SYTL2: variants seen among roughly 807,000 people sequenced by gnomAD.
SYTL2 encodes synaptotagmin-like protein 2.
A neutral mutation model predicts 198.7 loss-of-function variants in SYTL2; 165 were observed. The observed-to-expected ratio is 0.83, with a 90% CI of 0.73 to 0.94. The LOEUF (loss-of-function observed/expected upper bound fraction) is 0.94. SYTL2 is among the 40% of genes least tolerant of loss of function. The probability of loss-of-function intolerance (pLI) is 0.00; values close to 1 mark genes in which losing one functional copy is unlikely to be tolerated. For synonymous variants in SYTL2, 966 were observed against 917.7 expected, an observed-to-expected ratio of 1.05 and a Z score of -0.95; for missense variants, 2,835 against 2,582.8, an observed-to-expected ratio of 1.10 and a Z score of -2.12.
chr11:85,848,636 A>G, the SYTL2 span, among the ~76,000 whole-genome samples: 1 of 152,086 alleles, frequency 6.6e-6, no homozygotes, highest in Non-Finnish European at 1.5e-5. Context: ...ATTTTTTGTT[A>G]TATTCTATTG....
intron 1 of SYTL2, among the ~76,000 whole-genome samples, chr11:85,787,701 C>CTTTTT (rs56177666): frequency 1.1e-5 from 1 of 90,398 alleles, no homozygotes; most frequent in African/African-American, 3.5e-5. Context: ...TTTTCTTTTC[C>CTTTTT]TTTTTTTTTT....
chr11:85,824,222 A>T, the SYTL2 span, among the ~76,000 whole-genome samples: 1 of 152,090 alleles, frequency 6.6e-6, no homozygotes, highest in Non-Finnish European at 1.5e-5. Flanking sequence ...GGGGAAGAAG[A>T]TTGGAGAGGT....
intron 1 of SYTL2, among the ~76,000 whole-genome samples, chr11:85,794,773 T>C (rs1292295384): frequency 6.6e-6 from 1 of 152,222 alleles, no homozygotes; most frequent in African/African-American, 2.4e-5. Context: ...TGTATTTCTT[T>C]CTGAAAAGAA....
At chr11:85,790,112 T>G (rs938588725) in intron 1 of SYTL2, among the ~76,000 whole-genome samples, 16 of 152,168 alleles carry the variant, frequency 1.1e-4, no homozygotes, top group Admixed American at 4.6e-4. Flanking sequence ...TAATTTTTTA[T>G]AATATTTTTA....
rs58890988 is a variant in SYTL2 at position 85,762,872 on chromosome 11, C to G, written c.-389-4758G>C. On this transcript the variant is annotated intron_variant, in intron 1 of 19. Transcript: ENST00000359152. ...TGTTTGTCTCTTGCCAGTTTATGAA[C>G]AAGGCTTGTGTCTCCCAGTGATTTG... Among the ~76,000 whole-genome samples the G allele has an allele frequency of 1.8e-4, 28 of 152,122 alleles. 1 individual carries two copies. Among genetic ancestry groups the G allele is most frequent in the African/African-American group, 6.7e-4 (28 of 41,498 alleles).
intron 1 of SYTL2, among the ~76,000 whole-genome samples, chr11:85,793,472 T>A (rs907984450): frequency 6.6e-6 from 1 of 152,232 alleles, no homozygotes; most frequent in African/African-American, 2.4e-5. Flanking sequence ...AGAACTCTTA[T>A]CATAATATTT....
rs567297581 is a variant in SYTL2, at chr11:85,721,488, G to A, written c.5327-529C>T. On this transcript the variant is annotated intron_variant, in intron 8 of 19. Coordinates refer to ENST00000359152, the MANE Select transcript of SYTL2 (RefSeq NM_206927.4). ...CCAATGAAATGTTGGGAAATAACATGGGATAGTCAAATTTTTATTTTAGTA... is the reference window on the plus strand; with the variant it reads ...CCAATGAAATGTTGGGAAATAACATAGGATAGTCAAATTTTTATTTTAGTA... 1.6e-4 allele frequency among the ~76,000 whole-genome samples: 25 copies of A among 152,172 alleles called. No individual in the cohort carries two copies. In the South Asian group the frequency reaches 5.0e-3, roughly 30 times the overall value.
At chr11:85,710,874 G>A (rs1157616966) in intron 13 of SYTL2, among the ~76,000 whole-genome samples, 1 of 151,914 alleles carries the variant, frequency 6.6e-6, no homozygotes, top group Non-Finnish European at 1.5e-5. Context: ...GTTTATTTGT[G>A]AAGTACTTAC....
At chr11:85,845,566 G>A in the SYTL2 span, among the ~76,000 whole-genome samples, 1 of 151,958 alleles carries the variant, frequency 6.6e-6, no homozygotes, top group Non-Finnish European at 1.5e-5. Context: ...AGTTCAAGGT[G>A]AGCCTGGGCA....
rs916482964 is a variant in SYTL2, at chr11:85,811,048, G to C, written c.-484C>G. ...CTGGCGGTGCAAACCGCGCAGCCCC[G>C]GGCGCGGCGCGTTACCTTCCCCCGG... On this transcript the variant is annotated 5_prime_UTR_variant, in exon 1 of 20. Coordinates refer to ENST00000359152, the MANE Select transcript of SYTL2 (RefSeq NM_206927.4). 1.3e-5 allele frequency: 2 copies of C among 152,182 alleles called. No individual in the cohort carries two copies. 9.4% of individuals were successfully genotyped at this position (152,182 alleles called of 1,614,324 possible).
rs571545488 is a variant in SYTL2, at chr11:85,724,552, G to T, written c.4806C>A (p.Thr1602=). The change falls in exon 8 of 20, where the codon ACC becomes ACA. Residue 1602 remains threonine, a synonymous_variant. Coordinates refer to ENST00000359152, the MANE Select transcript of SYTL2 (RefSeq NM_206927.4). ...HEKESSQSEQ[T]RFLGTVPHFY... ...AATGGGGCACTGTCCCCAAGAACCT[G>T]GTCTGCTCTGACTGTGAGGACTCCT... 3 of 1,613,808 alleles carry T rather than the reference G, an allele frequency of 1.9e-6. No homozygotes were observed. Among genetic ancestry groups the T allele is most frequent in the African/African-American group, 1.3e-5 (1 of 74,898 alleles).
chr11:85,711,194 A>T lies in SYTL2; in HGVS notation c.5664T>A (p.Ser1888Arg). Reference protein sequence around the residue: ...DRETDTASESSYQLSRHKKSP... With the variant: ...DRETDTASESRYQLSRHKKSP... ...TCTTCTTGTGTCTGCTGAGCTGGTAACTGCTTTCTGATGCTGTATCTGTTT... is the reference window on the plus strand; with the variant it reads ...TCTTCTTGTGTCTGCTGAGCTGGTATCTGCTTTCTGATGCTGTATCTGTTT... Residue 1888 changes from serine to arginine, a missense_variant, in exon 13 of 20, where the codon AGT (serine) becomes AGA (arginine). Ser to Arg is a moderately radical substitution (Grantham distance 110). Around this residue, in one of 3 missense-constraint regions of SYTL2, gnomAD observed 2,645 missense variants for 2,381.7 expected, o/e 1.11. Coordinates refer to ENST00000359152, the MANE Select transcript of SYTL2 (RefSeq NM_206927.4). The T allele has an allele frequency of 6.2e-7, 1 of 1,614,082 alleles. No individual in the cohort carries two copies. The highest frequency in any genetic ancestry group is 8.5e-7 in the Non-Finnish European group (1 of 1,179,942).
At chr11:85,766,698 G>A (rs578015743) in intron 1 of SYTL2, among the ~76,000 whole-genome samples, 58 of 152,228 alleles carry the variant, frequency 3.8e-4, no homozygotes, top group Middle Eastern at 3.4e-3. Context: ...AATGTATGCC[G>A]TCCCCTGCCT....
intron 7 of SYTL2, among the ~76,000 whole-genome samples, chr11:85,731,928 G>A (rs2089870940): frequency 6.6e-6 from 1 of 152,082 alleles, no homozygotes; most frequent in South Asian, 2.1e-4. Flanking sequence ...TTAAAAAGTG[G>A]GTGAAGGATA....
chr11:85,737,243 T>C (rs1034365802), intron 5 of SYTL2, among the ~76,000 whole-genome samples: 1 of 152,202 alleles, frequency 6.6e-6, no homozygotes, highest in Non-Finnish European at 1.5e-5. Flanking sequence ...TAGGAAGCTA[T>C]GCATAGGAAT....
At chr11:85,745,514 G>T in intron 4 of SYTL2, 123 bp downstream of exon 4, 2 of 1,064,924 alleles carry the variant, frequency 1.9e-6, no homozygotes, top group African/African-American at 1.6e-5. Context: ...CTCATACACT[G>T]CCCCTTCCCC....
intron 6 of SYTL2, among the ~76,000 whole-genome samples, chr11:85,735,527 T>G (rs1180829847): frequency 6.6e-6 from 1 of 152,036 alleles, no homozygotes; most frequent in Non-Finnish European, 1.5e-5. Context: ...GAAGCCGAGG[T>G]GGGTGGATCA....
the SYTL2 span, among the ~76,000 whole-genome samples, chr11:85,838,021 C>A: frequency 2.6e-5 from 4 of 152,024 alleles, no homozygotes; most frequent in African/African-American, 9.7e-5. Flanking sequence ...TTATTTATGC[C>A]GGTAGCACCC....
In SYTL2 at chr11:85,700,507, T is replaced by A; in HGVS notation, c.6268+8A>T. 2 of 1,607,590 alleles carry A rather than the reference T, an allele frequency of 1.2e-6. No homozygotes were observed. The highest frequency in any genetic ancestry group is 2.2e-5 in the South Asian group (2 of 90,928). On this transcript the variant is annotated splice_region_variant and intron_variant, in intron 17 of 19. Coordinates refer to ENST00000359152, the MANE Select transcript of SYTL2 (RefSeq NM_206927.4). ...GGACATAAATCTGAATAGAAAGTCA[T>A]TACATACCAGGGACTGGCTCTGGGA...
Sources: gnomAD v4.1 joint callset for allele counts (sites outside exome capture counted in the v4.1 genomes callset) on GRCh38, gnomAD v4.1.1 for gene constraint, gnomAD v4.1.1 regional missense constraint, MANE v1.5 for transcripts, NCBI Gene and HGNC (gene_info 2026-07-23, HGNC 2026-07-21) for gene names.